GPC6: variants seen among roughly 807,000 people sequenced by gnomAD.
GPC6 encodes glypican-6.
A neutral mutation model predicts 55.2 loss-of-function variants in GPC6; 14 were observed. That is an observed-to-expected ratio of 0.25 (90% confidence interval 0.17 to 0.40). GPC6 has a LOEUF of 0.40. Among genes scored for constraint, GPC6 ranks in the 10% least tolerant of loss-of-function variants. The probability of loss-of-function intolerance (pLI) is 1.00; values close to 1 mark genes in which losing one functional copy is unlikely to be tolerated. For missense variants in GPC6, 641 were observed against 708.5 expected (o/e 0.90, Z 1.08); for synonymous variants, 278 against 259.6 (o/e 1.07, Z -0.68).
In GPC6 at chr13:93,343,245, G is replaced by T. The variant is rs567707288; in HGVS notation, c.160+115629G>T. ...CATTTACATAACCCGGAATAATTTGGCTGGCAAACTCAAGGAGATATAGTA... is the reference window on the plus strand; with the variant it reads ...CATTTACATAACCCGGAATAATTTGTCTGGCAAACTCAAGGAGATATAGTA... On this transcript the variant is annotated intron_variant, in intron 1 of 8. Coordinates refer to ENST00000377047, the MANE Select transcript of GPC6 (RefSeq NM_005708.5). 4.6e-5 allele frequency among the ~76,000 whole-genome samples: 7 copies of T among 151,996 alleles called. No individual in the cohort carries two copies. In the East Asian group the frequency reaches 1.2e-3, roughly 25 times the overall value.
chr13:94,185,561 A>G (rs1426519416), intron 4 of GPC6, among the ~76,000 whole-genome samples: 1 of 151,928 alleles, frequency 6.6e-6, no homozygotes, highest in African/African-American at 2.4e-5. Flanking sequence ...GCCATTGGGG[A>G]TAATAGAACA....
At chr13:93,534,390 T>G (rs1030960367) in intron 1 of GPC6, among the ~76,000 whole-genome samples, 1 of 152,078 alleles carries the variant, frequency 6.6e-6, no homozygotes, top group Non-Finnish European at 1.5e-5. Flanking sequence ...TCTGGGCACT[T>G]CATTTCTGTT....
At chr13:93,984,207 C>T (rs768268690) in intron 3 of GPC6, among the ~76,000 whole-genome samples, 2 of 152,082 alleles carry the variant, frequency 1.3e-5, no homozygotes, top group Non-Finnish European at 2.9e-5. Context: ...ATCCCAAATG[C>T]ACATCATCAC....
intron 3 of GPC6, among the ~76,000 whole-genome samples, chr13:94,007,254 T>G (rs746699566): frequency 6.6e-6 from 1 of 152,188 alleles, no homozygotes; most frequent in African/African-American, 2.4e-5. Flanking sequence ...ATTGAAACAC[T>G]CATCCATCCA....
At chr13:94,034,197 G>GA (rs1178931616) in intron 4 of GPC6, among the ~76,000 whole-genome samples, 1 of 96,710 alleles carries the variant, frequency 1.0e-5, no homozygotes, top group Non-Finnish European at 2.5e-5. Context: ...GAGAAAGAAA[G>GA]AAAGAAGGAA....
chr13:93,480,520 G>T (rs1010327327), intron 1 of GPC6, among the ~76,000 whole-genome samples: 2 of 152,074 alleles, frequency 1.3e-5, no homozygotes, highest in African/African-American at 4.8e-5. Context: ...ACACAATAAA[G>T]CTCACCATCT....
intron 2 of GPC6, among the ~76,000 whole-genome samples, chr13:93,824,194 A>G (rs915969045): frequency 6.6e-6 from 1 of 152,188 alleles, no homozygotes. Flanking sequence ...TTTCCCTTAT[A>G]TAATTGCTTT....
intron 4 of GPC6, among the ~76,000 whole-genome samples, chr13:94,226,362 C>G (rs1371075906): frequency 6.6e-6 from 1 of 151,998 alleles, no homozygotes; most frequent in Admixed American, 6.6e-5. Context: ...TGCTCTGCTG[C>G]ACATTAGGAT....
At chr13:93,964,189 C>T (rs1438847112) in intron 3 of GPC6, among the ~76,000 whole-genome samples, 3 of 152,120 alleles carry the variant, frequency 2.0e-5, no homozygotes, top group East Asian at 1.9e-4. Context: ...TCACAGGGTC[C>T]TAAGGAATTT....
Position 93,540,079 on chromosome 13 carries a change from G to A in GPC6, c.161-5184G>A, listed in dbSNP as rs148642607. 1.5e-3 allele frequency among the ~76,000 whole-genome samples: 230 copies of A among 152,060 alleles called. 1 individual carries two copies. Among genetic ancestry groups the A allele is most frequent in the African/African-American group, 5.4e-3 (223 of 41,510 alleles). On this transcript the variant is annotated intron_variant, in intron 1 of 8. Transcript: ENST00000377047. ...GCCTTACTTGGTCGATTTTTTTTGT[G>A]GTCTCAGAGTAGTCTTGTCTGAGGT...
intron 2 of GPC6, among the ~76,000 whole-genome samples, chr13:93,571,506 A>T (rs542848802): frequency 6.6e-6 from 1 of 152,166 alleles, no homozygotes; most frequent in African/African-American, 2.4e-5. Context: ...TAACTTCAGA[A>T]ATCCATTTAC....
rs549916519 is a variant in GPC6 at position 94,107,273 on chromosome 13, G to A, written c.877+79379G>A. On this transcript the variant is annotated intron_variant, in intron 4 of 8. Coordinates refer to ENST00000377047, the MANE Select transcript of GPC6 (RefSeq NM_005708.5). ...TGTGGGGAACCTTCTGCAGTAAAGC[G>A]GCATAAAAGTTGCCAGAAAGGAAAA... Among the ~76,000 whole-genome samples, 79 of 152,172 alleles carry A rather than the reference G, an allele frequency of 5.2e-4. 1 individual carries two copies. The highest frequency in any genetic ancestry group is 3.4e-3 in the Middle Eastern group (1 of 292).
intron 1 of GPC6, among the ~76,000 whole-genome samples, chr13:93,445,176 C>A (rs1164218437): frequency 6.6e-6 from 1 of 152,118 alleles, no homozygotes; most frequent in Non-Finnish European, 1.5e-5. Context: ...ATATACTGTA[C>A]CAACGTCTGG....
intron 6 of GPC6, among the ~76,000 whole-genome samples, chr13:94,360,331 TGATA>T (rs1878999091): frequency 6.6e-6 from 1 of 152,208 alleles, no homozygotes; most frequent in South Asian, 2.1e-4. Context: ...GACTGATCGA[TGATA>T]GATGATTGAT....
At chr13:93,575,827 C>T (rs1247836761) in intron 2 of GPC6, among the ~76,000 whole-genome samples, 1 of 152,076 alleles carries the variant, frequency 6.6e-6, no homozygotes, top group Non-Finnish European at 1.5e-5. Flanking sequence ...CTCTGTGGTG[C>T]ATGCTTCTTA....
chr13:93,598,996 C>A (rs1337232015), intron 2 of GPC6, among the ~76,000 whole-genome samples: 1 of 152,148 alleles, frequency 6.6e-6, no homozygotes. Context: ...TGCAACAGTT[C>A]TACTCTTCAT....
At chr13:94,119,782 A>G (rs1886560252) in intron 4 of GPC6, among the ~76,000 whole-genome samples, 1 of 152,080 alleles carries the variant, frequency 6.6e-6, no homozygotes, top group South Asian at 2.1e-4. Flanking sequence ...AATGTTTAAC[A>G]ATCAGCTCTT....
chr13:94,167,438 T>C (rs569227426), intron 4 of GPC6, among the ~76,000 whole-genome samples: 15 of 152,330 alleles, frequency 9.8e-5, no homozygotes, highest in African/African-American at 3.1e-4. Flanking sequence ...TACCTCATTA[T>C]GTTTAAATGG....
At chr13:94,076,260 C>T (rs1884912113) in intron 4 of GPC6, among the ~76,000 whole-genome samples, 1 of 151,650 alleles carries the variant, frequency 6.6e-6, no homozygotes, top group Admixed American at 6.6e-5. Flanking sequence ...ATTTATATGT[C>T]TTCTTTGGAG....
Sources: gnomAD v4.1 joint callset for allele counts (sites outside exome capture counted in the v4.1 genomes callset) on GRCh38, gnomAD v4.1.1 for gene constraint, MANE v1.5 for transcripts, NCBI Gene and HGNC (gene_info 2026-07-23, HGNC 2026-07-21) for gene names.